The following PLCG2 variants were observed in gnomAD, a reference collection of about 807,000 sequenced individuals.
PLCG2 encodes phospholipase C gamma 2.
In PLCG2, 69 loss-of-function variants were observed where a neutral mutation model predicts 175.6. That is an observed-to-expected ratio of 0.39 (90% CI 0.32 to 0.48). The LOEUF (loss-of-function observed/expected upper bound fraction) is 0.48, where lower values mean the gene tolerates loss of function less well. PLCG2 is among the 20% of genes least tolerant of loss of function. PLCG2 has a pLI of 0.91. For missense variants in PLCG2, 1,798 were observed against 1,650.9 expected (o/e 1.09, Z -1.54); for synonymous variants, 827 against 624.0 (o/e 1.33, Z -4.85).
Position 81,799,738 on chromosome 16 carries a change from G to A in PLCG2, c.193+13556G>A, listed in dbSNP as rs139869432. 7.0e-3 allele frequency among the ~76,000 whole-genome samples: 1,060 copies of A among 151,682 alleles called. 13 individuals carry two copies. Among genetic ancestry groups the A allele is most frequent in the African/African-American group, 0.025 (1,017 of 41,318 alleles). ...CTCCCGAGTAGCTGGGACTACAGGC[G>A]CCCGCCACCACACTTGGCTAATTTT... is the stretch of plus-strand genomic sequence containing the variant. On this transcript the variant is annotated intron_variant, in intron 2 of 32. Transcript: ENST00000564138.
chr16:81,861,326 C>G (rs1276621475), intron 5 of PLCG2, among the ~76,000 whole-genome samples: 1 of 152,230 alleles, frequency 6.6e-6, no homozygotes, highest in Non-Finnish European at 1.5e-5. Context: ...GAAAATCTTT[C>G]CATCTTGAAG....
In PLCG2 at chr16:81,854,469, C is replaced by G. The variant is rs1906581090; in HGVS notation, c.219C>G (p.Ile73Met). Residue 73 changes from isoleucine to methionine, a missense_variant, in exon 3 of 33, where the codon ATC (isoleucine) becomes ATG (methionine). Transcript: ENST00000564138. ...GFLDIMEIKE[I>M]RPGKNSKDFE... ...TGGATATCATGGAAATAAAAGAAAT[C>G]CGCCCAGGGAAGAACTCCAAAGATT... 6.2e-7 allele frequency: 1 copy of G among 1,613,890 alleles called. No homozygotes were observed. The highest frequency in any genetic ancestry group is 1.3e-5 in the African/African-American group (1 of 74,916).
Position 81,807,686 on chromosome 16 carries a change from C to T in PLCG2, c.193+21504C>T, listed in dbSNP as rs78300827. Reference sequence around the variant, plus strand: ...GGGTCACTGTATTAGTCTGTTCTCACGGCTATAAAGAGCTACCAAAGACTG... The same window carrying T: ...GGGTCACTGTATTAGTCTGTTCTCATGGCTATAAAGAGCTACCAAAGACTG... On this transcript the variant is annotated intron_variant, in intron 2 of 32. Coordinates refer to ENST00000564138, the MANE Select transcript of PLCG2 (RefSeq NM_002661.5). Among the ~76,000 whole-genome samples, 246 of 152,226 alleles carry T rather than the reference C, an allele frequency of 1.6e-3. 4 individuals carry two copies. The East Asian group carries it at 0.041, about 26-fold the overall frequency.
chr16:81,792,480 C>CAAAAAAAAAAAAAAAAAAAAAAAAAAA (rs532680550), intron 2 of PLCG2, among the ~76,000 whole-genome samples: 10 of 70,162 alleles, frequency 1.4e-4, no homozygotes, highest in African/African-American at 4.0e-4. Flanking sequence ...GGCTCTGTCT[C>CAAAAAAAAAAAAAAAAAAAAAAAAAAA]AAAAAAAAAA....
At chr16:81,828,090 CAAAAAAAAAAAAA>C (rs763973143) in intron 2 of PLCG2, among the ~76,000 whole-genome samples, 3 of 50,072 alleles carry the variant, frequency 6.0e-5, no homozygotes, top group African/African-American at 2.2e-4. Context: ...AACTCCGTCT[CAAAAAAAAAAAAA>C]AAAAAAAAAG....
chr16:81,764,109 A>T (rs1369913633), intron 2 of PLCG2, among the ~76,000 whole-genome samples: 1 of 152,068 alleles, frequency 6.6e-6, no homozygotes, highest in African/African-American at 2.4e-5. Flanking sequence ...CCTGGGTAAC[A>T]TGGTGAGACC....
intron 2 of PLCG2, among the ~76,000 whole-genome samples, chr16:81,796,138 G>A (rs1911459056): frequency 6.6e-6 from 1 of 152,228 alleles, no homozygotes; most frequent in Admixed American, 6.5e-5. Flanking sequence ...GGGAAGTGGT[G>A]AGCCACTGGC....
At chr16:81,802,222 C>G (rs1648717128) in intron 2 of PLCG2, among the ~76,000 whole-genome samples, 3 of 146,946 alleles carry the variant, frequency 2.0e-5, no homozygotes, top group Non-Finnish European at 4.5e-5. Flanking sequence ...ACACCATTCT[C>G]TTGCCTCAGC....
intron 7 of PLCG2, among the ~76,000 whole-genome samples, chr16:81,877,744 G>A (rs1208871386): frequency 1.3e-5 from 2 of 152,084 alleles, no homozygotes; most frequent in Admixed American, 6.5e-5. Context: ...GCATGTAGGC[G>A]TCATCGCTTC....
chr16:81,944,025 G>A (rs958710614), intron 30 of PLCG2, among the ~76,000 whole-genome samples: 2 of 152,248 alleles, frequency 1.3e-5, no homozygotes, highest in East Asian at 3.9e-4. Flanking sequence ...AGGCATCCAC[G>A]GAATTCAGTA....
At chr16:81,941,921 T>C (rs934309459) in intron 30 of PLCG2, among the ~76,000 whole-genome samples, 1 of 152,188 alleles carries the variant, frequency 6.6e-6, no homozygotes, top group African/African-American at 2.4e-5. Context: ...CCACTGTGCC[T>C]GGCCTATAAA....
upstream of PLCG2, among the ~76,000 whole-genome samples, chr16:81,776,083 C>CTTTCTTTCTTTCTTGCTTTCTTGCTT: frequency 3.7e-5 from 3 of 81,848 alleles, no homozygotes; most frequent in Non-Finnish European, 8.1e-5. Flanking sequence ...TTCTCTCTCT[C>CTTTCTTTCTTTCTTGCTTTCTTGCTT]TCTCTCTTTC....
At chr16:81,805,218 G>C (rs1298468548) in intron 2 of PLCG2, among the ~76,000 whole-genome samples, 2 of 152,088 alleles carry the variant, frequency 1.3e-5, no homozygotes, top group Non-Finnish European at 2.9e-5. Context: ...AACAATAAAA[G>C]GCCAGGCTCG....
chr16:81,902,956 C>G (rs950913274), intron 14 of PLCG2, among the ~76,000 whole-genome samples: 2 of 152,122 alleles, frequency 1.3e-5, no homozygotes, highest in Non-Finnish European at 2.9e-5. Context: ...ACGTGAAAGG[C>G]CCGCCCCCAT....
At chr16:81,862,084 C>T (rs535081129) in intron 5 of PLCG2, among the ~76,000 whole-genome samples, 15 of 152,336 alleles carry the variant, frequency 9.8e-5, no homozygotes, top group African/African-American at 3.1e-4. Flanking sequence ...GAAACTTTGA[C>T]CAAGATGCCA....
intron 5 of PLCG2, among the ~76,000 whole-genome samples, chr16:81,860,169 ATTATT>A (rs1235583772): frequency 3.2e-5 from 3 of 93,382 alleles, no homozygotes; most frequent in Non-Finnish European, 7.5e-5. Flanking sequence ...TATTATTATT[ATTATT>A]TTTTTTTTTT....
At chr16:81,843,020 C>T (rs947446497) in intron 2 of PLCG2, among the ~76,000 whole-genome samples, 15 of 147,798 alleles carry the variant, frequency 1.0e-4, no homozygotes, top group Non-Finnish European at 1.8e-4. Flanking sequence ...CTGGGAAGAC[C>T]CGAGGTGATG....
chr16:81,817,360 C>G (rs1411697961), intron 2 of PLCG2, among the ~76,000 whole-genome samples: 1 of 152,262 alleles, frequency 6.6e-6, no homozygotes. Context: ...AAGCACCTAT[C>G]TTCCACTAAA....
At chr16:81,791,926 C>T (rs1035064005) in intron 2 of PLCG2, among the ~76,000 whole-genome samples, 2 of 152,134 alleles carry the variant, frequency 1.3e-5, no homozygotes, top group African/African-American at 4.8e-5. Context: ...GAGTCCCAGG[C>T]AGAAGCTACA....
Sources: gnomAD v4.1 joint callset for allele counts (sites outside exome capture counted in the v4.1 genomes callset) on GRCh38, gnomAD v4.1.1 for gene constraint, MANE v1.5 for transcripts, NCBI Gene and HGNC (gene_info 2026-07-23, HGNC 2026-07-21) for gene names.